Variants in SSBP2 observed in about 807,000 individuals in gnomAD.
The protein encoded by SSBP2 is single-stranded DNA-binding protein 2.
Under a neutral mutation model 61.8 loss-of-function variants are expected in SSBP2, and 17 were observed. The observed-to-expected ratio is 0.28, with a 90% confidence interval of 0.19 to 0.41. The LOEUF (loss-of-function observed/expected upper bound fraction) is 0.41, where lower values mean the gene tolerates loss of function less well. Ranked by LOEUF, SSBP2 falls within the 10% of genes least tolerant of loss-of-function variation. The pLI, the probability that SSBP2 is intolerant of heterozygous loss-of-function variation, is 1.00. For synonymous variants in SSBP2, 139 were observed against 141.3 expected, an observed-to-expected ratio of 0.98 and a Z score of 0.12; for missense variants, 310 against 458.7, an observed-to-expected ratio of 0.68 and a Z score of 2.96.
At chr5:81,745,713 G>A (rs1026114340) in intron 1 of SSBP2, among the ~76,000 whole-genome samples, 2 of 152,016 alleles carry the variant, frequency 1.3e-5, no homozygotes, top group East Asian at 1.9e-4. Context: ...GTAGTTCCAT[G>A]TCTTTCAAAC....
At chr5:81,472,902 A>G (rs1765344301) in intron 8 of SSBP2, among the ~76,000 whole-genome samples, 2 of 152,066 alleles carry the variant, frequency 1.3e-5, no homozygotes, top group Admixed American at 6.6e-5. Flanking sequence ...CGCCCAGCCA[A>G]CTGGGTTTTA....
At chr5:81,455,612 C>A (rs1431785539) in intron 10 of SSBP2, among the ~76,000 whole-genome samples, 1 of 38,508 alleles carries the variant, frequency 2.6e-5, no homozygotes, top group East Asian at 3.8e-4. Context: ...GGCGACAGAG[C>A]GAGACTCCGT....
intron 6 of SSBP2, among the ~76,000 whole-genome samples, chr5:81,482,552 T>G (rs1187836102): frequency 6.6e-6 from 1 of 152,188 alleles, no homozygotes. Flanking sequence ...TTCCTAAACT[T>G]CATGAACAAA....
intron 4 of SSBP2, among the ~76,000 whole-genome samples, chr5:81,543,440 G>T (rs1004914167): frequency 1.3e-5 from 2 of 152,016 alleles, no homozygotes; most frequent in Non-Finnish European, 2.9e-5. Context: ...CTCAGAATTG[G>T]GGGCTAAACA....
Position 81,492,436 on chromosome 5 carries a change from G to A in SSBP2, c.373-3127C>T, listed in dbSNP as rs923388074. 5.3e-5 allele frequency among the ~76,000 whole-genome samples: 8 copies of A among 152,110 alleles called. No individual in the cohort carries two copies. The South Asian group carries it at 8.3e-4, about 16-fold the overall frequency. ...GGAGAATCGCTTGAACCCAGGAGGC[G>A]GAGGTTGCAGTGAACGGAGATCACG... On this transcript the variant is annotated intron_variant, in intron 5 of 16. Coordinates refer to ENST00000320672, the MANE Select transcript of SSBP2 (RefSeq NM_012446.5).
At chr5:81,751,582 A>G (rs1757785936), upstream of SSBP2, 1 of 155,564 alleles carries the variant, frequency 6.4e-6, no homozygotes, top group African/African-American at 2.6e-5. Context: ...CGAGTCCACG[A>G]CAGAGCCACG....
chr5:81,750,235 ACCCGCCCCCGCC>A (rs1163350202), intron 1 of SSBP2, among the ~76,000 whole-genome samples: 1,741 of 83,948 alleles, frequency 0.021, 12 homozygotes, highest in African/African-American at 0.069. Context: ...TCCGGCGCCC[ACCCGCCCCCGCC>A]CCCGCCCCAG....
chr5:81,650,362 A>C, intron 1 of SSBP2, 23 bp from the exon 2 acceptor site: 1 of 1,448,756 alleles, frequency 6.9e-7, no homozygotes, highest in Non-Finnish European at 9.4e-7. Flanking sequence ...TAAAATATTT[A>C]TTGAGAAGAG....
chr5:81,490,684 A>C (rs1399258078), intron 5 of SSBP2, among the ~76,000 whole-genome samples: 1 of 152,192 alleles, frequency 6.6e-6, no homozygotes, highest in Non-Finnish European at 1.5e-5. Context: ...AGCCTCTAAA[A>C]AATAAAATCC....
chr5:81,679,262 G>A (rs1752213701), intron 1 of SSBP2, among the ~76,000 whole-genome samples: 1 of 152,222 alleles, frequency 6.6e-6, no homozygotes. Context: ...ACCCACCTTG[G>A]CCTCCCAAAG....
At chr5:81,717,909 G>C (rs1755267527) in intron 1 of SSBP2, among the ~76,000 whole-genome samples, 1 of 152,116 alleles carries the variant, frequency 6.6e-6, no homozygotes. Flanking sequence ...CCAATCAATG[G>C]AGGATACATG....
At chr5:81,430,119 G>T (rs1385867364) in intron 15 of SSBP2, among the ~76,000 whole-genome samples, 1 of 152,002 alleles carries the variant, frequency 6.6e-6, no homozygotes, top group Non-Finnish European at 1.5e-5. Flanking sequence ...CATTATTTTA[G>T]AATTCATTAA....
At chr5:81,533,695 G>A (rs904861945) in intron 4 of SSBP2, among the ~76,000 whole-genome samples, 1 of 152,160 alleles carries the variant, frequency 6.6e-6, no homozygotes, top group Non-Finnish European at 1.5e-5. Flanking sequence ...AGACAAACAG[G>A]TAGATACAGA....
At chr5:81,561,406 C>T (rs569135001) in intron 4 of SSBP2, among the ~76,000 whole-genome samples, 8 of 152,040 alleles carry the variant, frequency 5.3e-5, no homozygotes, top group East Asian at 1.9e-4. Flanking sequence ...ATACAGTCTG[C>T]GCTTTTGCAT....
At chr5:81,652,329 A>G (rs1427182445) in intron 1 of SSBP2, among the ~76,000 whole-genome samples, 1 of 152,196 alleles carries the variant, frequency 6.6e-6, no homozygotes, top group African/African-American at 2.4e-5. Flanking sequence ...TTTAGTACCT[A>G]AGAAACAAAA....
At chr5:81,652,625 A>G (rs1749829194) in intron 1 of SSBP2, among the ~76,000 whole-genome samples, 1 of 152,142 alleles carries the variant, frequency 6.6e-6, no homozygotes, top group Non-Finnish European at 1.5e-5. Context: ...ATCTCCTTTG[A>G]ACAAAATTAA....
At chr5:81,442,759 T>C in intron 12 of SSBP2, 36 bp from the exon 13 acceptor site, 1 of 1,158,118 alleles carries the variant, frequency 8.6e-7, no homozygotes. Context: ...AATATTTCTT[T>C]AGAGTCTATA....
intron 1 of SSBP2, among the ~76,000 whole-genome samples, chr5:81,720,158 T>TCCAGATTTTTA (rs1755452141): frequency 6.6e-6 from 1 of 152,124 alleles, no homozygotes; most frequent in Non-Finnish European, 1.5e-5. Context: ...TCAGAGCCCA[T>TCCAGATTTTTA]CCAGATTTTT....
chr5:81,599,286 A>G (rs934218952), intron 4 of SSBP2, among the ~76,000 whole-genome samples: 1 of 152,238 alleles, frequency 6.6e-6, no homozygotes, highest in African/African-American at 2.4e-5. Context: ...ATCCAATTAT[A>G]TCATTCTTAG....
Sources: gnomAD v4.1 joint callset for allele counts (sites outside exome capture counted in the v4.1 genomes callset) on GRCh38, gnomAD v4.1.1 for gene constraint, MANE v1.5 for transcripts, NCBI Gene and HGNC (gene_info 2026-07-23, HGNC 2026-07-21) for gene names.